Variants in GJA3 observed in about 807,000 individuals in gnomAD.
GJA3 encodes gap junction protein alpha 3, also known as gap junction alpha-3 protein.
For missense variants in GJA3, 571 were observed against 620.3 expected, an observed-to-expected ratio of 0.92 and a Z score of 0.84; for synonymous variants, 297 against 292.6, an observed-to-expected ratio of 1.02 and a Z score of -0.15.
Position 20,142,021 on chromosome 13 carries a change from GC to G in GJA3, c.1267del (p.Ala423ProfsTer42). 1 of 1,550,416 alleles carries G rather than the reference GC, an allele frequency of 6.4e-7. No homozygotes were observed. Among genetic ancestry groups the G allele is most frequent in the Non-Finnish European group, 8.7e-7 (1 of 1,146,870 alleles). ...CTCCGGTCTGGCCCGCCCGCTGCTG[GC>G]CCTGCTGGCCTTGCTGGCCCGACCT... ...DPGRASKASR[A>X]SSGRARPEDL... is the part of the protein sequence containing the mutation. On this transcript the variant is annotated frameshift_variant, in exon 2 of 2. Transcript: ENST00000241125. LOFTEE classifies it high-confidence loss of function.
Position 20,142,420 on chromosome 13 carries a change from G to T in GJA3, c.869C>A (p.Ala290Asp). The change falls in exon 2 of 2, where the codon GCC becomes GAC. Residue 290 changes from alanine to aspartate, a missense_variant. Transcript: ENST00000241125. ...TTTGAAGTCCGCGGCTGGTGGCGGGGCCCCGGGGTAGCCCACGGCGCGGGC... is the reference window on the plus strand; with the variant it reads ...TTTGAAGTCCGCGGCTGGTGGCGGGTCCCCGGGGTAGCCCACGGCGCGGGC... ...GQARAVGYPG[A>D]PPPAADFKLL... The T allele has an allele frequency of 1.3e-6, 2 of 1,498,806 alleles. No individual in the cohort carries two copies. The highest frequency in any genetic ancestry group is 8.9e-7 in the Non-Finnish European group (1 of 1,123,840). 92.8% of individuals were successfully genotyped at this position (1,498,806 alleles called of 1,614,324 possible). A position where few individuals can be genotyped will look rare whatever the true frequency, so the allele number is the denominator to read the frequency against.
intron 1 of GJA3, among the ~76,000 whole-genome samples, chr13:20,158,912 C>CAAAAAAAAAAAAAAAA (rs1159654355): frequency 1.6e-4 from 9 of 54,976 alleles, no homozygotes; most frequent in South Asian, 1.0e-3. Context: ...GCAAAACTCT[C>CAAAAAAAAAAAAAAAA]AAAAAAAAAA....
intron 1 of GJA3, among the ~76,000 whole-genome samples, chr13:20,156,248 A>AG (rs1376834027): frequency 6.9e-6 from 1 of 145,540 alleles, no homozygotes; most frequent in Admixed American, 7.0e-5. Context: ...CTCTAGTCAA[A>AG]GGGAGGAACT....
At position 20,149,463 on chromosome 13, in the gene GJA3, T is replaced by C. The variant is rs58502253; in HGVS notation, c.-17-6158A>G. 9.7e-3 allele frequency among the ~76,000 whole-genome samples: 1,472 copies of C among 152,226 alleles called. 82 individuals carry two copies. Among genetic ancestry groups the C allele is most frequent in the Admixed American group, 0.086 (1,308 of 15,288 alleles). ...TTGTGCCACTGCGTTCCAGTCTGGG[T>C]GACAGAGCAGGACCCTGTCTCTTAA... On this transcript the variant is annotated intron_variant, in intron 1 of 1. Coordinates refer to ENST00000241125, the MANE Select transcript of GJA3 (RefSeq NM_021954.4).
chr13:20,142,939 C>T lies in GJA3; in HGVS notation c.350G>A (p.Arg117Lys). 3 of 1,576,726 alleles carry T rather than the reference C, an allele frequency of 1.9e-6. No homozygotes were observed. In the South Asian group the frequency reaches 3.4e-5, roughly 18 times the overall value. The change falls in exon 2 of 2, where the codon AGA (arginine) becomes AAA (lysine). Residue 117 changes from arginine to lysine, a missense_variant. Physicochemically the swap from Arg to Lys is conservative, Grantham distance 26 (BLOSUM62 2). Transcript: ENST00000241125. ...TGGCTCCTTGGGGCTGGGGCTCTCTCTCTTCAGCTGCTCCTCCTCCTCCCT... is the reference window on the plus strand; with the variant it reads ...TGGCTCCTTGGGGCTGGGGCTCTCTTTCTTCAGCTGCTCCTCCTCCTCCCT... ...KEREEEEQLK[R>K]ESPSPKEPPQ...
chr13:20,150,488 C>T (rs190743581), intron 1 of GJA3, among the ~76,000 whole-genome samples: 1 of 152,300 alleles, frequency 6.6e-6, no homozygotes, highest in East Asian at 1.9e-4. Context: ...CGGTCTGTGC[C>T]TGACGAGCAT....
At position 20,138,539 on chromosome 13, in the gene GJA3, A is replaced by T. The variant is rs1276363901; in HGVS notation, c.*3442T>A. 1 of 152,224 alleles carries T rather than the reference A, an allele frequency of 6.6e-6. No homozygotes were observed. The highest frequency in any genetic ancestry group is 1.5e-5 in the Non-Finnish European group (1 of 68,036). 9.4% of individuals were successfully genotyped at this position (152,224 alleles called of 1,614,324 possible). A position where few individuals can be genotyped will look rare whatever the true frequency, so the allele number is the denominator to read the frequency against. On this transcript the variant is annotated 3_prime_UTR_variant, in exon 2 of 2. Transcript: ENST00000241125. Reference sequence around the variant, plus strand: ...TTGGGCAGTCAGAAACCTTAAAGTGAGTCAACCCAAGATTTGCACTGTAAT... The same window carrying T: ...TTGGGCAGTCAGAAACCTTAAAGTGTGTCAACCCAAGATTTGCACTGTAAT...
At chr13:20,146,458 C>T (rs951231266) in intron 1 of GJA3, among the ~76,000 whole-genome samples, 1 of 152,258 alleles carries the variant, frequency 6.6e-6, no homozygotes, top group African/African-American at 2.4e-5. Context: ...GAGCCTGCTC[C>T]AGATCCTTTA....
intron 1 of GJA3, among the ~76,000 whole-genome samples, chr13:20,150,351 A>C (rs558483520): frequency 6.7e-6 from 1 of 149,574 alleles, no homozygotes; most frequent in East Asian, 2.1e-4. Context: ...ATGAAGAGGG[A>C]GGCAGGAGAC....
intron 1 of GJA3, among the ~76,000 whole-genome samples, chr13:20,158,649 C>G (rs183980096): frequency 6.6e-6 from 1 of 151,800 alleles, no homozygotes; most frequent in African/African-American, 2.4e-5. Context: ...CGGTGGCTCA[C>G]GCCTGTAATT....
Position 20,142,903 on chromosome 13 carries a change from T to C in GJA3, c.386A>G (p.Asn129Ser). Residue 129 changes from asparagine (N) to serine (S), a missense_variant, in exon 2 of 2, where the codon AAT (asparagine) becomes AGT (serine). By Grantham distance (46) the Asn-to-Ser change is conservative. Coordinates refer to ENST00000241125, the MANE Select transcript of GJA3 (RefSeq NM_021954.4). ...SPSPKEPPQDNPSSRDDRGRV... is the reference protein window; with the variant it reads ...SPSPKEPPQDSPSSRDDRGRV... ...GCCGCGGTCGTCCCGCGACGAGGGA[T>C]TGTCCTGCGGTGGCTCCTTGGGGCT... The C allele has an allele frequency of 6.3e-7, 1 of 1,590,568 alleles. No individual in the cohort carries two copies. Among genetic ancestry groups the C allele is most frequent in the Non-Finnish European group, 8.6e-7 (1 of 1,168,374 alleles).
At chr13:20,148,747 AG>A (rs1335734611) in intron 1 of GJA3, among the ~76,000 whole-genome samples, 4 of 152,258 alleles carry the variant, frequency 2.6e-5, no homozygotes, top group Admixed American at 1.3e-4. Context: ...ACCGCTGGGC[AG>A]AGGAAAAGAC....
At position 20,142,193 on chromosome 13, in the gene GJA3, C is replaced by T; in HGVS notation, c.1096G>A (p.Ala366Thr). The T allele has an allele frequency of 6.6e-7, 1 of 1,519,498 alleles. No homozygotes were observed. Among genetic ancestry groups the T allele is most frequent in the South Asian group, 1.2e-5 (1 of 80,624 alleles). 94.1% of individuals were successfully genotyped at this position (1,519,498 alleles called of 1,614,324 possible). Residue 366 changes from alanine to threonine, a missense_variant, in exon 2 of 2, where the codon GCT becomes ACT. Coordinates refer to ENST00000241125, the MANE Select transcript of GJA3 (RefSeq NM_021954.4). ...GSSSPPLAHE[A>T]EAGAAPLLLD... ...AGCAGGGGCGCCGCGCCCGCCTCAGCCTCGTGCGCGAGTGGCGGGGAGCTG... is the reference window on the plus strand; with the variant it reads ...AGCAGGGGCGCCGCGCCCGCCTCAGTCTCGTGCGCGAGTGGCGGGGAGCTG...
At chr13:20,158,910 C>CCA in intron 1 of GJA3, among the ~76,000 whole-genome samples, 1 of 27,854 alleles carries the variant, frequency 3.6e-5, no homozygotes, top group Non-Finnish European at 6.5e-5. Flanking sequence ...GAGCAAAACT[C>CCA]TCAAAAAAAA....
intron 1 of GJA3, among the ~76,000 whole-genome samples, chr13:20,151,525 G>T (rs747015138): frequency 6.6e-6 from 1 of 152,156 alleles, no homozygotes; most frequent in Non-Finnish European, 1.5e-5. Context: ...TCAGACTCCC[G>T]ATACCCCGGA....
Position 20,142,864 on chromosome 13 carries a change from G to A in GJA3, c.425C>T (p.Ala142Val). The stretch of plus-strand genomic sequence containing the variant: ...GACGTAGGTCCGCAGCAGCGCCCCG[G>A]CCATGCGCACCCTGCCGCGGTCGTC... ...SRDDRGRVRM[A>V]GALLRTYVFN... Residue 142 changes from alanine (A) to valine (V), a missense_variant, in exon 2 of 2, where the codon GCC becomes GTC. Physicochemically the swap from Ala to Val is moderately conservative, Grantham distance 64. Coordinates refer to ENST00000241125, the MANE Select transcript of GJA3 (RefSeq NM_021954.4). 6.2e-7 allele frequency: 1 copy of A among 1,610,714 alleles called. No individual in the cohort carries two copies. Among genetic ancestry groups the A allele is most frequent in the South Asian group, 1.1e-5 (1 of 90,762 alleles).
At chr13:20,153,532 G>T (rs1161703062) in intron 1 of GJA3, among the ~76,000 whole-genome samples, 3 of 152,076 alleles carry the variant, frequency 2.0e-5, no homozygotes, top group Admixed American at 2.0e-4. Flanking sequence ...CCATCGCAAG[G>T]ACAGAAAACC....
intron 1 of GJA3, among the ~76,000 whole-genome samples, chr13:20,146,471 C>T (rs527968010): frequency 4.6e-5 from 7 of 152,340 alleles, no homozygotes; most frequent in African/African-American, 1.7e-4. Flanking sequence ...ATCCTTTAGG[C>T]CCAGGGGCTG....
chr13:20,143,681 C>T (rs143557626), intron 1 of GJA3, among the ~76,000 whole-genome samples: 1 of 152,348 alleles, frequency 6.6e-6, no homozygotes, highest in East Asian at 1.9e-4. Flanking sequence ...TTAGAGCAAC[C>T]TCTTCCCAAA....
Sources: allele counts gnomAD v4.1 joint callset (sites outside exome capture counted in the v4.1 genomes callset), GRCh38; gene constraint gnomAD v4.1.1; transcripts MANE v1.5; gene names NCBI Gene and HGNC (gene_info 2026-07-23, HGNC 2026-07-21).